CLEC1A: variants seen among roughly 807,000 people sequenced by gnomAD.
The protein encoded by CLEC1A is C-type lectin domain family 1 member A.
A neutral mutation model predicts 28.7 loss-of-function variants in CLEC1A; 34 were observed. That is an observed-to-expected ratio of 1.18 (90% CI 0.90 to 1.57). CLEC1A has a LOEUF of 1.57. Ranked by LOEUF, CLEC1A falls within the 40% of genes most tolerant of loss-of-function variation. CLEC1A has a pLI of 0.00. For synonymous variants in CLEC1A, 116 were observed against 121.0 expected (o/e 0.96, Z 0.27); for missense variants, 385 against 339.5 (o/e 1.13, Z -1.05).
rs1280269329 is a variant in CLEC1A at position 10,074,405 on chromosome 12, C to T, written c.544-994G>A. 4.0e-5 allele frequency among the ~76,000 whole-genome samples: 6 copies of T among 151,894 alleles called. No homozygotes were observed. The East Asian group carries it at 5.8e-4, about 15-fold the overall frequency. The stretch of plus-strand genomic sequence containing the variant: ...AAAATATTTATTCCAATTAAATGGG[C>T]GGGTGCCTTCAAATTAAAAATTTTG... On this transcript the variant is annotated intron_variant, in intron 4 of 5. Coordinates refer to ENST00000315330, the MANE Select transcript of CLEC1A (RefSeq NM_016511.4).
intron 1 of CLEC1A, among the ~76,000 whole-genome samples, chr12:10,096,670 C>T (rs1390904949): frequency 6.6e-6 from 1 of 152,146 alleles, no homozygotes; most frequent in Non-Finnish European, 1.5e-5. Context: ...AAGTTTCCCT[C>T]CTCCAACTCT....
intron 2 of CLEC1A, among the ~76,000 whole-genome samples, chr12:10,086,652 G>A (rs1332415112): frequency 2.0e-5 from 3 of 152,146 alleles, no homozygotes; most frequent in African/African-American, 7.2e-5. Context: ...TAGTGAAATT[G>A]AAACAGTAAT....
At chr12:10,077,477 A>G (rs904606475) in intron 3 of CLEC1A, among the ~76,000 whole-genome samples, 1 of 152,130 alleles carries the variant, frequency 6.6e-6, no homozygotes, top group Non-Finnish European at 1.5e-5. Context: ...TTGGCCGGAA[A>G]AACGGGTGGA....
intron 5 of CLEC1A, 62 bp from the exon 6 acceptor site, chr12:10,071,575 AC>A: frequency 7.6e-7 from 1 of 1,313,780 alleles, no homozygotes; most frequent in Admixed American, 2.2e-5. Flanking sequence ...AATATTAAAT[AC>A]CCATTCTTTC....
chr12:10,076,211 C>T (rs1302630868), intron 3 of CLEC1A, among the ~76,000 whole-genome samples: 2 of 152,092 alleles, frequency 1.3e-5, no homozygotes, highest in African/African-American at 4.8e-5. Context: ...GGGTAGTGAT[C>T]GCAAATATAG....
rs1310378268 is a variant in CLEC1A at position 10,089,773 on chromosome 12, G to T, written c.116-551C>A. ...TGTTTTTCTGTGGAATTGCTTAATT[G>T]AAAGTCCCGCTATTGTAAGGATATT... On this transcript the variant is annotated intron_variant, in intron 1 of 5. Transcript: ENST00000315330. Among the ~76,000 whole-genome samples the T allele has an allele frequency of 3.3e-5, 5 of 152,076 alleles. No homozygotes were observed. The South Asian group carries it at 6.2e-4, about 19-fold the overall frequency.
chr12:10,098,713 G>T, intron 1 of CLEC1A, 95 bp downstream of exon 1: 1 of 737,458 alleles, frequency 1.4e-6, no homozygotes, highest in African/African-American at 1.8e-5. Flanking sequence ...AAAATTATAA[G>T]ATGCAAGCTA....
Position 10,088,859 on chromosome 12 carries a change from A to AT in CLEC1A, c.214+264dup, listed in dbSNP as rs577750434. On this transcript the variant is annotated intron_variant, in intron 2 of 5. Coordinates refer to ENST00000315330, the MANE Select transcript of CLEC1A (RefSeq NM_016511.4). ...AGCATGCATTTATTTAAAATAAATGATTTTTTTTAAACATTGACATACAAA... is the reference window on the plus strand; with the variant it reads ...AGCATGCATTTATTTAAAATAAATGATTTTTTTTTAAACATTGACATACAAA... Among the ~76,000 whole-genome samples, 618 of 151,956 alleles carry AT rather than the reference A, an allele frequency of 4.1e-3. 6 individuals are homozygous for AT. Among genetic ancestry groups the AT allele is most frequent in the African/African-American group, 0.014 (583 of 41,450 alleles).
intron 5 of CLEC1A, among the ~76,000 whole-genome samples, chr12:10,071,878 A>C (rs1461966621): frequency 1.3e-5 from 2 of 152,234 alleles, no homozygotes; most frequent in East Asian, 3.8e-4. Context: ...GAATAATGAT[A>C]TATTGTATAT....
chr12:10,085,683 G>C (rs1198769005), intron 2 of CLEC1A, among the ~76,000 whole-genome samples: 1 of 151,794 alleles, frequency 6.6e-6, no homozygotes, highest in Non-Finnish European at 1.5e-5. Context: ...ATTACTACTA[G>C]ACCTAAAAAA....
chr12:10,072,964 G>A (rs116097226), intron 5 of CLEC1A, among the ~76,000 whole-genome samples: 2,812 of 152,120 alleles, frequency 0.018, 90 homozygotes, highest in African/African-American at 0.064. Context: ...CCTGTAGTCC[G>A]AGCTACTCAG....
chr12:10,079,062 C>T (rs1692329355), intron 3 of CLEC1A, among the ~76,000 whole-genome samples: 1 of 152,154 alleles, frequency 6.6e-6, no homozygotes, highest in Non-Finnish European at 1.5e-5. Flanking sequence ...TACCCAGGCT[C>T]AGGTACTCCT....
Position 10,098,868 on chromosome 12 carries a change from T to C in CLEC1A, c.55A>G (p.Thr19Ala). 6.2e-7 allele frequency: 1 copy of C among 1,613,542 alleles called. No individual in the cohort carries two copies. The highest frequency in any genetic ancestry group is 8.5e-7 in the Non-Finnish European group (1 of 1,179,746). Residue 19 changes from threonine to alanine, a missense_variant, in exon 1 of 6, where the codon ACC becomes GCC. Coordinates refer to ENST00000315330, the MANE Select transcript of CLEC1A (RefSeq NM_016511.4). The part of the protein sequence containing the change: ...RDMLDDDGDT[T>A]MSLHSQGSAT... ...GAGCCTTGAGAATGCAGGCTCATGG[T>C]GGTGTCCCCATCATCATCCAGCATG...
At chr12:10,080,977 G>A (rs549324423) in intron 3 of CLEC1A, among the ~76,000 whole-genome samples, 78 of 152,236 alleles carry the variant, frequency 5.1e-4, no homozygotes, top group African/African-American at 1.8e-3. Context: ...TTCTTTACTC[G>A]TAGTCTTATT....
chr12:10,072,540 T>C (rs1866156733), intron 5 of CLEC1A, among the ~76,000 whole-genome samples: 2 of 152,150 alleles, frequency 1.3e-5, no homozygotes, highest in Admixed American at 1.3e-4. Context: ...CAAGAACTCT[T>C]ATGCTATCTC....
chr12:10,071,116 T>C lies in CLEC1A; in HGVS notation c.*217A>G, dbSNP rs1192826847. 1.5e-5 allele frequency: 6 copies of C among 394,994 alleles called. No homozygotes were observed. The highest frequency in any genetic ancestry group is 2.2e-5 in the Non-Finnish European group (5 of 222,534). The allele number at this position is 394,994 out of a possible 1,614,324, so 24.5% of individuals were successfully genotyped here. ...TGACATTATGGGTTTCTGAGGTTGG[T>C]TGGTGGCATGTAAATAAGACTTCTT... is the stretch of plus-strand genomic sequence containing the variant. On this transcript the variant is annotated 3_prime_UTR_variant, in exon 6 of 6. Transcript: ENST00000315330.
chr12:10,081,543 CAA>C, intron 2 of CLEC1A, 130 bp from the exon 3 acceptor site: 1 of 465,428 alleles, frequency 2.1e-6, no homozygotes, highest in Non-Finnish European at 3.6e-6. Flanking sequence ...TGCCTATATT[CAA>C]GTTTGGACTC....
Position 10,075,828 on chromosome 12 carries a change from AATT to A in CLEC1A, c.392-176_392-174del, listed in dbSNP as rs776155609. ...TACTGGATACCTACTAACTGCCAGG[AATT>A]ATAACTGGTCCTAAGTATGTTGTAG... On this transcript the variant is annotated intron_variant, in intron 3 of 5. Transcript: ENST00000315330. Among the ~76,000 whole-genome samples, 4 of 152,218 alleles carry A rather than the reference AATT, an allele frequency of 2.6e-5. No homozygotes were observed. In the East Asian group the frequency reaches 7.7e-4, roughly 29 times the overall value.
rs1435465593 is a variant in CLEC1A, at chr12:10,070,099, G to C, written c.*1234C>G. 1 of 152,136 alleles carries C rather than the reference G, an allele frequency of 6.6e-6. No individual in the cohort carries two copies. Among genetic ancestry groups the C allele is most frequent in the Non-Finnish European group, 1.5e-5 (1 of 68,038 alleles). 9.4% of individuals were successfully genotyped at this position (152,136 alleles called of 1,614,324 possible). A position where few individuals can be genotyped will look rare whatever the true frequency, so the allele number is the denominator to read the frequency against. On this transcript the variant is annotated 3_prime_UTR_variant, in exon 6 of 6. Coordinates refer to ENST00000315330, the MANE Select transcript of CLEC1A (RefSeq NM_016511.4). ...ATTCCCAATGATCCCTGTTATATTT[G>C]TGCATGGAGTCGTCTCAAGAAAGAA... is the stretch of plus-strand genomic sequence containing the variant.
Sources: allele counts gnomAD v4.1 joint callset (sites outside exome capture counted in the v4.1 genomes callset), GRCh38; gene constraint gnomAD v4.1.1; transcripts MANE v1.5; gene names NCBI Gene and HGNC (gene_info 2026-07-23, HGNC 2026-07-21).